FGGY: variants seen among roughly 807,000 people sequenced by gnomAD.
FGGY encodes FGGY carbohydrate kinase domain containing, also known as FGGY carbohydrate kinase domain-containing protein.
Under a neutral mutation model 71.3 loss-of-function variants are expected in FGGY, and 72 were observed. The observed-to-expected ratio is 1.01, with a 90% CI of 0.84 to 1.23. The LOEUF (loss-of-function observed/expected upper bound fraction) is 1.23. FGGY is among the 50% of genes most tolerant of loss of function. The pLI, the probability that FGGY is intolerant of heterozygous loss-of-function variation, is 0.00. For missense variants in FGGY, 668 were observed against 682.3 expected (o/e 0.98, Z 0.23); for synonymous variants, 251 against 250.3 (o/e 1.00, Z -0.02).
chr1:59,603,162 A>C (rs2096593914), intron 8 of FGGY, among the ~76,000 whole-genome samples: 2 of 152,186 alleles, frequency 1.3e-5, no homozygotes, highest in African/African-American at 4.8e-5. Context: ...ATACCTTTTA[A>C]GTGTAAGTTT....
At chr1:59,520,962 G>A (rs1263735669) in intron 7 of FGGY, among the ~76,000 whole-genome samples, 1 of 151,596 alleles carries the variant, frequency 6.6e-6, no homozygotes, top group African/African-American at 2.4e-5. Context: ...AAAAGCTGGG[G>A]GCAGGAGGGA....
At chr1:59,737,705 A>G (rs1209115759) in intron 14 of FGGY, among the ~76,000 whole-genome samples, 1 of 152,242 alleles carries the variant, frequency 6.6e-6, no homozygotes, top group African/African-American at 2.4e-5. Flanking sequence ...TTGCAGGCTC[A>G]TAGGCAGAAG....
chr1:59,716,525 G>T (rs1318284371), intron 14 of FGGY, among the ~76,000 whole-genome samples: 1 of 152,132 alleles, frequency 6.6e-6, no homozygotes, highest in Non-Finnish European at 1.5e-5. Flanking sequence ...ACGTTGCTAG[G>T]AACTTTTGGA....
At chr1:59,739,819 GC>G (rs2098133482) in intron 14 of FGGY, among the ~76,000 whole-genome samples, 1 of 152,106 alleles carries the variant, frequency 6.6e-6, no homozygotes, top group African/African-American at 2.4e-5. Context: ...ATAAATCAAA[GC>G]CATACAACCA....
chr1:59,451,778 T>G (rs887139237), intron 5 of FGGY, among the ~76,000 whole-genome samples: 1 of 152,134 alleles, frequency 6.6e-6, no homozygotes, highest in Non-Finnish European at 1.5e-5. Flanking sequence ...TTTGTCTGGG[T>G]ATAGGATTCT....
chr1:59,500,119 A>T (rs1472471307), intron 6 of FGGY, among the ~76,000 whole-genome samples: 1 of 152,194 alleles, frequency 6.6e-6, no homozygotes, highest in Non-Finnish European at 1.5e-5. Context: ...AGAAGGTGGA[A>T]GCTCATTGAT....
At chr1:59,498,808 A>G (rs2094129041) in intron 6 of FGGY, among the ~76,000 whole-genome samples, 1 of 152,240 alleles carries the variant, frequency 6.6e-6, no homozygotes, top group Non-Finnish European at 1.5e-5. Flanking sequence ...TTCCACGTCA[A>G]CATGAGTGAG....
chr1:59,368,321 C>A (rs1194919420), intron 4 of FGGY, among the ~76,000 whole-genome samples: 1 of 152,184 alleles, frequency 6.6e-6, no homozygotes. Flanking sequence ...TAAAGAGTGG[C>A]AATAGCTTCC....
intron 6 of FGGY, among the ~76,000 whole-genome samples, chr1:59,473,853 T>A (rs2093123193): frequency 6.6e-6 from 1 of 152,192 alleles, no homozygotes; most frequent in Non-Finnish European, 1.5e-5. Flanking sequence ...TATGAAGCTG[T>A]TTGTGTGTCG....
intron 14 of FGGY, among the ~76,000 whole-genome samples, chr1:59,723,680 C>A (rs367662251): frequency 1.3e-5 from 2 of 152,084 alleles, no homozygotes; most frequent in Non-Finnish European, 2.9e-5. Context: ...GTTTTATACA[C>A]TAGTAACACA....
At chr1:59,313,591 C>T (rs2044785942) in intron 1 of FGGY, among the ~76,000 whole-genome samples, 1 of 151,506 alleles carries the variant, frequency 6.6e-6, no homozygotes, top group South Asian at 2.1e-4. Context: ...CACGCACGCA[C>T]ACACACACAC....
At chr1:59,585,454 A>C (rs1335046300) in intron 8 of FGGY, among the ~76,000 whole-genome samples, 1 of 152,194 alleles carries the variant, frequency 6.6e-6, no homozygotes, top group Non-Finnish European at 1.5e-5. Flanking sequence ...TGCTGGGAAA[A>C]CTGGCTAGCC....
At chr1:59,667,136 C>A (rs140558016) in intron 12 of FGGY, 147 bp from the exon 13 acceptor site, 3 of 1,024,884 alleles carry the variant, frequency 2.9e-6, no homozygotes, top group Non-Finnish European at 4.4e-6. Flanking sequence ...TGATCATAGA[C>A]AACATAATCT....
chr1:59,755,899 G>A (rs1396071020), intron 14 of FGGY: 2 of 152,220 alleles, frequency 1.3e-5, no homozygotes, highest in Admixed American at 6.5e-5. Flanking sequence ...TAGAAGGCAA[G>A]GTCCTCCCTA....
intron 14 of FGGY, among the ~76,000 whole-genome samples, chr1:59,745,536 CA>C (rs1163261075): frequency 1.3e-5 from 2 of 152,170 alleles, no homozygotes; most frequent in African/African-American, 4.8e-5. Context: ...GTGCAAATTT[CA>C]AAAGTGTTCA....
chr1:59,586,866 C>T (rs967219752), intron 8 of FGGY, among the ~76,000 whole-genome samples: 14 of 152,312 alleles, frequency 9.2e-5, no homozygotes, highest in East Asian at 3.9e-4. Context: ...GCGTGAGTGA[C>T]GCAGAAGACG....
intron 5 of FGGY, among the ~76,000 whole-genome samples, chr1:59,419,574 G>A (rs2065058355): frequency 1.3e-5 from 2 of 152,178 alleles, no homozygotes; most frequent in African/African-American, 4.8e-5. Flanking sequence ...AGAAAGTTAT[G>A]AGATTGGAGT....
In FGGY at chr1:59,757,960, G is replaced by A. The variant is rs758516414; in HGVS notation, c.1542G>A (p.Gly514=). The A allele has an allele frequency of 6.2e-7, 1 of 1,613,382 alleles. No homozygotes were observed. The highest frequency in any genetic ancestry group is 1.1e-5 in the South Asian group (1 of 90,912). ...CAATGGCAAAAATGAGCAAAGTTGGGAAAGTTGTGTTCCCGAGACTACAGG... is the reference window on the plus strand; with the variant it reads ...CAATGGCAAAAATGAGCAAAGTTGGAAAAGTTGTGTTCCCGAGACTACAGG... ...QEAMAKMSKV[G]KVVFPRLQDK... The change falls in exon 15 of 16, where the codon GGG becomes GGA. Residue 514 remains glycine, a synonymous_variant. Coordinates refer to ENST00000303721, the MANE Select transcript of FGGY (RefSeq NM_018291.5).
chr1:59,431,042 A>G (rs542811645), intron 5 of FGGY, among the ~76,000 whole-genome samples: 1 of 152,196 alleles, frequency 6.6e-6, no homozygotes, highest in South Asian at 2.1e-4. Flanking sequence ...AGTGGGGGAC[A>G]ATCTATATAT....
Sources: gnomAD v4.1 joint callset for allele counts (sites outside exome capture counted in the v4.1 genomes callset) on GRCh38, gnomAD v4.1.1 for gene constraint, MANE v1.5 for transcripts, NCBI Gene and HGNC (gene_info 2026-07-23, HGNC 2026-07-21) for gene names.